CAPN7: variants seen among roughly 807,000 people sequenced by gnomAD.
CAPN7 encodes calpain-7.
A neutral mutation model predicts 115.2 loss-of-function variants in CAPN7; 72 were observed. The ratio of observed to expected loss-of-function variants is 0.63; its 90% confidence interval spans 0.52 to 0.76. The LOEUF (loss-of-function observed/expected upper bound fraction) is 0.76. Among genes scored for constraint, CAPN7 ranks in the 30% least tolerant of loss-of-function variants. The probability of loss-of-function intolerance (pLI) is 0.00; values close to 1 mark genes in which losing one functional copy is unlikely to be tolerated. For synonymous variants in CAPN7, 344 were observed against 322.3 expected (o/e 1.07, Z -0.72); for missense variants, 905 against 971.5 (o/e 0.93, Z 0.91).
chr3:15,216,125 A>G (rs1384963408), intron 2 of CAPN7, among the ~76,000 whole-genome samples: 1 of 152,104 alleles, frequency 6.6e-6, no homozygotes, highest in Non-Finnish European at 1.5e-5. Context: ...TTGCATAGAC[A>G]TGTTTTCTCA....
intron 2 of CAPN7, among the ~76,000 whole-genome samples, chr3:15,216,973 C>T (rs1274020617): frequency 6.6e-6 from 1 of 151,266 alleles, no homozygotes; most frequent in Non-Finnish European, 1.5e-5. Flanking sequence ...CATGGTGGCT[C>T]ACACCTGTAA....
intron 11 of CAPN7, among the ~76,000 whole-genome samples, chr3:15,234,531 A>G (rs542632523): frequency 3.9e-5 from 6 of 152,314 alleles, no homozygotes; most frequent in African/African-American, 1.2e-4. Context: ...TGTAATATAG[A>G]AAAATTATTT....
chr3:15,210,027 G>A (rs535679784), intron 1 of CAPN7, among the ~76,000 whole-genome samples: 1 of 152,218 alleles, frequency 6.6e-6, no homozygotes, highest in African/African-American at 2.4e-5. Context: ...CAGAGACAGG[G>A]TCTCATTCTG....
At chr3:15,208,803 A>G (rs2044775190) in intron 1 of CAPN7, among the ~76,000 whole-genome samples, 1 of 152,284 alleles carries the variant, frequency 6.6e-6, no homozygotes, top group Non-Finnish European at 1.5e-5. Flanking sequence ...CTTCTCTCCA[A>G]TTCTGAGGAT....
chr3:15,212,312 C>T lies in CAPN7; in HGVS notation c.211+100C>T, dbSNP rs1310078797. 3 of 636,546 alleles carry T rather than the reference C, an allele frequency of 4.7e-6. No homozygotes were observed. The African/African-American group carries it at 5.6e-5, about 12-fold the overall frequency. The allele number at this position is 636,546 out of a possible 1,614,324, so 39.4% of individuals were successfully genotyped here. A position where few individuals can be genotyped will look rare whatever the true frequency, so the allele number is the denominator to read the frequency against. ...CTCTTCTTCATTTTTATCTTTGAATCTTGATGCTCACTCTGTTGCTGCTCA... is the reference window on the plus strand; with the variant it reads ...CTCTTCTTCATTTTTATCTTTGAATTTTGATGCTCACTCTGTTGCTGCTCA... On this transcript the variant is annotated intron_variant, in intron 2 of 20. Coordinates refer to ENST00000253693, the MANE Select transcript of CAPN7 (RefSeq NM_014296.3).
chr3:15,223,119 T>A (rs7630372), intron 5 of CAPN7, among the ~76,000 whole-genome samples: 17,941 of 152,208 alleles, frequency 0.12, 3,522 homozygotes, highest in African/African-American at 0.4. Flanking sequence ...TCAGAATTGT[T>A]AATGTGTTTT....
At position 15,250,956 on chromosome 3, in the gene CAPN7, G is replaced by T. The variant is rs1236034695; in HGVS notation, c.2230G>T (p.Val744Leu). ...GCAATATAGCGTTGGATTTGAGGTT[G>T]TAACAGTTTCTACTCTAGGAGATCC... ...PRQYSVGFEV[V>L]TVSTLGDPGP... Residue 744 changes from valine to leucine, a missense_variant, in exon 20 of 21, where the codon GTA becomes TTA. Val to Leu is a conservative substitution (Grantham distance 32). Coordinates refer to ENST00000253693, the MANE Select transcript of CAPN7 (RefSeq NM_014296.3). 6.2e-7 allele frequency: 1 copy of T among 1,612,516 alleles called. No homozygotes were observed. Among genetic ancestry groups the T allele is most frequent in the Non-Finnish European group, 8.5e-7 (1 of 1,178,636 alleles).
chr3:15,232,248 C>T (rs1253864612), intron 9 of CAPN7: 2 of 351,786 alleles, frequency 5.7e-6, no homozygotes, highest in Non-Finnish European at 1.1e-5. Context: ...TTCAGATGCT[C>T]AGCCTTTTAA....
intron 12 of CAPN7, among the ~76,000 whole-genome samples, 196 bp downstream of exon 12, chr3:15,235,341 G>A (rs2124973709): frequency 6.6e-6 from 1 of 152,160 alleles, no homozygotes; most frequent in East Asian, 1.9e-4. Context: ...TCATAGGGAT[G>A]GCACAGATAC....
At position 15,233,900 on chromosome 3, in the gene CAPN7, C is replaced by A; in HGVS notation, c.1213C>A (p.Pro405Thr). ...IDLHALTGWIPERIAMHSDSQ... is the reference protein window; with the variant it reads ...IDLHALTGWITERIAMHSDSQ... ...TCTTCATGCACTGACTGGCTGGATA[C>A]CAGAAAGAATTGCTATGCATTCAGA... Residue 405 changes from proline (P) to threonine (T), a missense_variant, in exon 11 of 21, where the codon CCA becomes ACA. Around this residue, in one of 3 missense-constraint regions of CAPN7, gnomAD observed 620 missense variants for 703.4 expected, o/e 0.88. Transcript: ENST00000253693. The A allele has an allele frequency of 6.2e-7, 1 of 1,605,300 alleles. No individual in the cohort carries two copies. Among genetic ancestry groups the A allele is most frequent in the Non-Finnish European group, 8.5e-7 (1 of 1,173,252 alleles).
chr3:15,228,904 T>C, intron 7 of CAPN7, 70 bp from the exon 8 acceptor site: 1 of 1,124,528 alleles, frequency 8.9e-7, no homozygotes, highest in Non-Finnish European at 1.3e-6. Context: ...CTTGGGGCAA[T>C]GTACGTATAT....
Position 15,210,596 on chromosome 3 carries a change from C to CTTTTTT in CAPN7, c.103-1496_103-1491dup, listed in dbSNP as rs371169868. 4.8e-4 allele frequency among the ~76,000 whole-genome samples: 50 copies of CTTTTTT among 104,422 alleles called. 3 individuals carry two copies. The highest frequency in any genetic ancestry group is 2.9e-3 in the African/African-American group (48 of 16,474). 68.5% of individuals were successfully genotyped at this position (104,422 alleles called of 152,430 possible). A position where few individuals can be genotyped will look rare whatever the true frequency, so the allele number is the denominator to read the frequency against. ...TTTTCATTCCTTCCTTGCTTCCTTC[C>CTTTTTT]TTTTTTTTTTTTTTTTTGGACAGTA... On this transcript the variant is annotated intron_variant, in intron 1 of 20. Coordinates refer to ENST00000253693, the MANE Select transcript of CAPN7 (RefSeq NM_014296.3).
At chr3:15,227,109 TAAA>T (rs61571165) in intron 6 of CAPN7, among the ~76,000 whole-genome samples, 1 of 128,272 alleles carries the variant, frequency 7.8e-6, no homozygotes, top group Non-Finnish European at 1.7e-5. Context: ...CCTCAACTGT[TAAA>T]AAAAAAAAAA....
chr3:15,220,831 C>T lies in CAPN7; in HGVS notation c.488C>T (p.Ser163Leu). 1 of 1,614,158 alleles carries T rather than the reference C, an allele frequency of 6.2e-7. No individual in the cohort carries two copies. The highest frequency in any genetic ancestry group is 1.1e-5 in the South Asian group (1 of 91,082). ...PLTKPVGKIS[S>L]TSVKPKPPPV... ...ACCAAGCCAGTTGGCAAAATCAGTT[C>T]AACAAGTGTTAAGCCAAAGCCACCT... The change falls in exon 5 of 21, where the codon TCA (serine) becomes TTA (leucine). Residue 163 changes from serine to leucine, a missense_variant. Around this residue, in one of 3 missense-constraint regions of CAPN7, gnomAD observed 271 missense variants for 239.6 expected, o/e 1.13. Transcript: ENST00000253693.
In CAPN7 at chr3:15,242,196, C is replaced by A. The variant is rs755151623; in HGVS notation, c.1807C>A (p.Arg603=). Residue 603 remains arginine (R), a synonymous_variant, in exon 16 of 21, where the codon CGA becomes AGA. Coordinates refer to ENST00000253693, the MANE Select transcript of CAPN7 (RefSeq NM_014296.3). The part of the protein sequence containing the change: ...ITDKDDFANN[R]EFITMVVYKT... ...ATTTTAGGATGATTTTGCGAATAAT[C>A]GAGAATTTATCACAATGGTTGTATA... 2.5e-6 allele frequency: 4 copies of A among 1,601,152 alleles called. No individual in the cohort carries two copies. In the African/African-American group the frequency reaches 4.0e-5, roughly 16 times the overall value.
At position 15,241,539 on chromosome 3, in the gene CAPN7, AG is replaced by A; in HGVS notation, c.1745del (p.Gly582ValfsTer12). The A allele has an allele frequency of 1.9e-6, 3 of 1,614,082 alleles. No individual in the cohort carries two copies. The highest frequency in any genetic ancestry group is 1.1e-5 in the South Asian group (1 of 91,082). On this transcript the variant is annotated frameshift_variant, in exon 15 of 21. Transcript: ENST00000253693. LOFTEE classifies it high-confidence loss of function. ...PQYKLEVQCP[Q>X]GGAAVWVLLS... is the part of the protein sequence containing the mutation. ...TACAAACTGGAGGTGCAGTGTCCAC[AG>A]GGGGGTGCTGCAGTTTGGGTTTTGC...
intron 12 of CAPN7, among the ~76,000 whole-genome samples, chr3:15,237,054 A>G (rs1695033605): frequency 6.6e-6 from 1 of 152,242 alleles, no homozygotes; most frequent in Non-Finnish European, 1.5e-5. Context: ...GTGATATGTT[A>G]TTAATAAGTT....
intron 9 of CAPN7, chr3:15,232,149 A>G (rs1007627084): frequency 2.5e-6 from 1 of 406,698 alleles, no homozygotes; most frequent in Non-Finnish European, 4.8e-6. Flanking sequence ...TGAAAATCCA[A>G]AACACTCCAG....
intron 12 of CAPN7, among the ~76,000 whole-genome samples, chr3:15,240,271 G>T (rs1695262354): frequency 6.6e-6 from 1 of 152,210 alleles, no homozygotes; most frequent in African/African-American, 2.4e-5. Flanking sequence ...GTGAAAGACT[G>T]CACTATTAGC....
Sources: allele counts gnomAD v4.1 joint callset (sites outside exome capture counted in the v4.1 genomes callset), GRCh38; gene constraint gnomAD v4.1.1; regional missense constraint gnomAD v4.1.1; transcripts MANE v1.5; gene names NCBI Gene and HGNC (gene_info 2026-07-23, HGNC 2026-07-21).